The following MNAT1 variants were observed in gnomAD, a reference collection of about 807,000 sequenced individuals.
MNAT1 encodes the protein MNAT1 component of CDK activating kinase.
A neutral mutation model predicts 42.0 loss-of-function variants in MNAT1; 43 were observed. That is an observed-to-expected ratio of 1.02 (90% CI 0.80 to 1.32). MNAT1 has a LOEUF of 1.32. MNAT1 is among the 40% of genes most tolerant of loss of function. MNAT1 has a pLI of 0.00. For synonymous variants in MNAT1, 118 were observed against 120.0 expected, an observed-to-expected ratio of 0.98 and a Z score of 0.11; for missense variants, 306 against 350.4, an observed-to-expected ratio of 0.87 and a Z score of 1.01.
At chr14:60,887,268 T>A (rs1330591258) in intron 7 of MNAT1, among the ~76,000 whole-genome samples, 2 of 152,178 alleles carry the variant, frequency 1.3e-5, no homozygotes, top group East Asian at 3.9e-4. Context: ...CTTTAAGTTT[T>A]AGGGTACATG....
chr14:60,781,627 C>G (rs992273959), intron 1 of MNAT1, among the ~76,000 whole-genome samples: 4 of 152,064 alleles, frequency 2.6e-5, no homozygotes, highest in African/African-American at 9.7e-5. Flanking sequence ...TGAAATTTAT[C>G]AATCTCCTTT....
At chr14:60,867,765 T>G (rs112638717) in intron 6 of MNAT1, among the ~76,000 whole-genome samples, 6 of 152,056 alleles carry the variant, frequency 3.9e-5, no homozygotes, top group Non-Finnish European at 5.9e-5. Context: ...AAATGAAACA[T>G]AGAGAAATTA....
At chr14:60,815,841 C>G (rs2139359602) in intron 5 of MNAT1, among the ~76,000 whole-genome samples, 1 of 152,204 alleles carries the variant, frequency 6.6e-6, no homozygotes, top group Non-Finnish European at 1.5e-5. Flanking sequence ...GTTTGAATTT[C>G]TGGTTTTCAT....
At chr14:60,892,541 T>C (rs1043430141) in intron 7 of MNAT1, among the ~76,000 whole-genome samples, 1 of 152,144 alleles carries the variant, frequency 6.6e-6, no homozygotes, top group African/African-American at 2.4e-5. Flanking sequence ...ATTTATTTTT[T>C]ATGTATTCTA....
intron 7 of MNAT1, among the ~76,000 whole-genome samples, chr14:60,895,992 A>G (rs1023700658): frequency 6.6e-6 from 1 of 152,144 alleles, no homozygotes; most frequent in African/African-American, 2.4e-5. Context: ...CCCAAGAACT[A>G]TATTTTTGTT....
At chr14:60,912,433 T>G (rs949669559) in intron 7 of MNAT1, among the ~76,000 whole-genome samples, 2 of 152,216 alleles carry the variant, frequency 1.3e-5, no homozygotes, top group Admixed American at 1.3e-4. Flanking sequence ...TCTTTACAAA[T>G]TGGCATGTTT....
At chr14:60,915,788 C>G (rs569634944) in intron 7 of MNAT1, among the ~76,000 whole-genome samples, 26 of 152,306 alleles carry the variant, frequency 1.7e-4, no homozygotes, top group Non-Finnish European at 2.9e-4. Flanking sequence ...GAATGGTTAG[C>G]TGTCTTTAGA....
At chr14:60,905,574 A>G (rs2035177797) in intron 7 of MNAT1, among the ~76,000 whole-genome samples, 1 of 152,184 alleles carries the variant, frequency 6.6e-6, no homozygotes, top group African/African-American at 2.4e-5. Flanking sequence ...CTGAATCCAA[A>G]GGCCTGAGAA....
chr14:60,835,378 C>G (rs1005408236), intron 6 of MNAT1, among the ~76,000 whole-genome samples: 25 of 152,076 alleles, frequency 1.6e-4, no homozygotes, highest in African/African-American at 6.0e-4. Flanking sequence ...TTTGCCTGTA[C>G]CAGTGTTTTC....
chr14:60,785,109 T>TG (rs1220180070), intron 1 of MNAT1, among the ~76,000 whole-genome samples: 8 of 152,180 alleles, frequency 5.3e-5, no homozygotes, highest in Admixed American at 4.6e-4. Context: ...CCTCCCAAAA[T>TG]GCTGGGATTA....
At chr14:60,946,181 A>C (rs4151386) in intron 7 of MNAT1, among the ~76,000 whole-genome samples, 140,041 of 152,226 alleles carry the variant, frequency 0.92, 64,908 homozygotes, top group Non-Finnish European at 0.99. Flanking sequence ...TTTCCTTTAC[A>C]ACATGAACAT....
intron 6 of MNAT1, among the ~76,000 whole-genome samples, chr14:60,832,728 A>T (rs192919819): frequency 1.3e-5 from 2 of 152,086 alleles, no homozygotes; most frequent in South Asian, 2.1e-4. Flanking sequence ...AGTTAATGGT[A>T]CCTTGATAGG....
chr14:60,942,217 C>A (rs545692394), intron 7 of MNAT1, among the ~76,000 whole-genome samples: 4 of 151,914 alleles, frequency 2.6e-5, no homozygotes, highest in Admixed American at 2.0e-4. Context: ...AAGAGTTCAG[C>A]CAAAAAGCAC....
At chr14:60,833,321 A>G (rs2033279167) in intron 6 of MNAT1, among the ~76,000 whole-genome samples, 1 of 152,126 alleles carries the variant, frequency 6.6e-6, no homozygotes. Context: ...GGTTTGTCAT[A>G]AATAGCTCTT....
In MNAT1 at chr14:60,852,723, T is replaced by C. The variant is rs573674470; in HGVS notation, c.688-26991T>C. 5.3e-5 allele frequency among the ~76,000 whole-genome samples: 8 copies of C among 152,344 alleles called. No individual in the cohort carries two copies. The East Asian group carries it at 1.3e-3, about 26-fold the overall frequency. On this transcript the variant is annotated intron_variant, in intron 6 of 7. Transcript: ENST00000261245. The stretch of plus-strand genomic sequence containing the variant: ...AATCCATCTTGAGTTAATTTTTGTA[T>C]AAGGTGTAAGGAAGGGGTCCAGTTT...
intron 1 of MNAT1, among the ~76,000 whole-genome samples, chr14:60,776,264 G>T (rs868296127): frequency 2.6e-5 from 4 of 152,058 alleles, no homozygotes; most frequent in Non-Finnish European, 2.9e-5. Context: ...ATAGAGTAGT[G>T]GTATTTAATG....
At chr14:60,939,008 A>G (rs1004369925) in intron 7 of MNAT1, among the ~76,000 whole-genome samples, 3 of 152,040 alleles carry the variant, frequency 2.0e-5, no homozygotes, top group Non-Finnish European at 4.4e-5. Flanking sequence ...AGATTTTCTG[A>G]TTTATTTGCA....
chr14:60,825,055 T>C (rs1384477079), intron 6 of MNAT1, among the ~76,000 whole-genome samples: 3 of 152,140 alleles, frequency 2.0e-5, no homozygotes, highest in Non-Finnish European at 4.4e-5. Context: ...AAAAGTTATT[T>C]ACAACATATG....
intron 1 of MNAT1, among the ~76,000 whole-genome samples, chr14:60,776,273 T>A (rs1044113519): frequency 6.6e-6 from 1 of 152,106 alleles, no homozygotes; most frequent in African/African-American, 2.4e-5. Flanking sequence ...TGGTATTTAA[T>A]GCAAGTCATC....
Sources: allele counts gnomAD v4.1 joint callset (sites outside exome capture counted in the v4.1 genomes callset), GRCh38; gene constraint gnomAD v4.1.1; transcripts MANE v1.5; gene names NCBI Gene and HGNC (gene_info 2026-07-23, HGNC 2026-07-21).